The following ATP2A3 variants were observed in gnomAD, a reference collection of about 807,000 sequenced individuals.
ATP2A3 encodes ATPase sarcoplasmic/endoplasmic reticulum Ca2+ transporting 3, also known as sarcoplasmic/endoplasmic reticulum calcium ATPase 3.
In ATP2A3, 61 loss-of-function variants were observed where a neutral mutation model predicts 106.8. The observed-to-expected ratio is 0.57, with a 90% confidence interval of 0.46 to 0.71. The LOEUF is 0.71. ATP2A3 is among the 30% of genes least tolerant of loss of function. The probability of loss-of-function intolerance (pLI) is 0.00; values close to 1 mark genes in which losing one functional copy is unlikely to be tolerated. For missense variants in ATP2A3, 1,201 were observed against 1,423.5 expected (o/e 0.84, Z 2.52); for synonymous variants, 611 against 609.3 (o/e 1.00, Z -0.04).
In ATP2A3 at chr17:3,958,767, T is replaced by C. The variant is rs1305642362; in HGVS notation, c.119-5057A>G. ...AGACACACATATATATACACACACA[T>C]ATATATACACACACATATATATACA... On this transcript the variant is annotated intron_variant, in intron 1 of 20. Transcript: ENST00000397041. 4.1e-5 allele frequency among the ~76,000 whole-genome samples: 6 copies of C among 145,498 alleles called. No homozygotes were observed. The East Asian group carries it at 1.2e-3, about 29-fold the overall frequency.
chr17:3,931,050 C>G (rs1377956983), intron 17 of ATP2A3, among the ~76,000 whole-genome samples: 1 of 151,398 alleles, frequency 6.6e-6, no homozygotes, highest in Non-Finnish European at 1.5e-5. Flanking sequence ...TGAGGCAGGA[C>G]AATCACTTGA....
Position 3,953,167 on chromosome 17 carries a change from G to T in ATP2A3, c.219+180C>A. On this transcript the variant is annotated intron_variant, in intron 3 of 20. Transcript: ENST00000397041. This position sits in a 1 kb window ranked among gnomAD's most constrained non-coding sequence, Gnocchi z 5.1. ...TGGGAGCCGGGGACCCAATGTAGGGGCCATGAGGGTTCAGGCAAGGGAAGC... is the reference window on the plus strand; with the variant it reads ...TGGGAGCCGGGGACCCAATGTAGGGTCCATGAGGGTTCAGGCAAGGGAAGC... The T allele has an allele frequency of 1.4e-6, 1 of 699,846 alleles. No homozygotes were observed. Among genetic ancestry groups the T allele is most frequent in the Admixed American group, 2.2e-5 (1 of 46,194 alleles). 43.4% of individuals were successfully genotyped at this position (699,846 alleles called of 1,614,324 possible).
At chr17:3,951,115 G>A (rs2054395110) in intron 5 of ATP2A3, 136 bp downstream of exon 5, 3 of 929,908 alleles carry the variant, frequency 3.2e-6, no homozygotes, top group Admixed American at 3.6e-5. Context: ...GGAGGTTGCA[G>A]TGAGCCGAGA....
intron 1 of ATP2A3, among the ~76,000 whole-genome samples, chr17:3,958,108 T>A (rs902622970): frequency 6.6e-6 from 1 of 152,194 alleles, no homozygotes; most frequent in Non-Finnish European, 1.5e-5. Flanking sequence ...GGGCTCAAGT[T>A]CAAATCCTGC....
Position 3,947,742 on chromosome 17 carries a change from C to T in ATP2A3, c.744G>A (p.Pro248=), listed in dbSNP as rs374085308. Residue 248 remains proline, a synonymous_variant, in exon 8 of 21, where the codon CCG becomes CCA. Transcript: ENST00000397041. This position sits in a 1 kb window ranked among gnomAD's most constrained non-coding sequence, Gnocchi z 7.7. The stretch of plus-strand genomic sequence containing the variant: ...CAAACTCGTCCAGCTTGCGCTGCAG[C>T]GGCGTCCGCTCGGGCTCGACTGCCG... The part of the protein sequence containing the change: ...QMAAVEPERT[P]LQRKLDEFGR... 1.2e-5 allele frequency: 20 copies of T among 1,608,248 alleles called. No homozygotes were observed. The highest frequency in any genetic ancestry group is 5.3e-5 in the African/African-American group (4 of 75,068).
At position 3,924,426 on chromosome 17, in the gene ATP2A3, G is replaced by A. The variant is rs781708978; in HGVS notation, c.*996C>T. The A allele has an allele frequency of 3.3e-5, 7 of 212,244 alleles. No homozygotes were observed. Among genetic ancestry groups the A allele is most frequent in the South Asian group, 1.7e-4 (3 of 17,294 alleles). 13.1% of individuals were successfully genotyped at this position (212,244 alleles called of 1,614,324 possible). On this transcript the variant is annotated 3_prime_UTR_variant, in exon 21 of 21. Transcript: ENST00000397041. The surrounding 1 kb of genome is among the most constrained non-coding windows in gnomAD (Gnocchi z 6.4). ...GACATCCTTTCGGCTCATGGGTGTC[G>A]TGGGGAGGGGGCAAGGAGTGAGGCC... is the stretch of plus-strand genomic sequence containing the variant.
intron 17 of ATP2A3, among the ~76,000 whole-genome samples, chr17:3,933,835 C>T (rs1433658500): frequency 6.6e-6 from 1 of 151,682 alleles, no homozygotes; most frequent in East Asian, 1.9e-4. Context: ...GGTGAGGCCA[C>T]TGCTGTGCCC....
chr17:3,930,168 C>T lies in ATP2A3; in HGVS notation c.2744+133G>A, dbSNP rs1191279641. On this transcript the variant is annotated intron_variant, in intron 18 of 20. Coordinates refer to ENST00000397041, the MANE Select transcript of ATP2A3 (RefSeq NM_005173.4). This position sits in a 1 kb window ranked among gnomAD's most constrained non-coding sequence, Gnocchi z 5.4. ...TACTGGAACCCCCAGCCCTCAGCCC[C>T]CACTCCTCGGCCCCAGCTCCAGGCC... 1.6e-6 allele frequency: 2 copies of T among 1,253,112 alleles called. No homozygotes were observed. The highest frequency in any genetic ancestry group is 2.2e-6 in the Non-Finnish European group (2 of 912,548). The allele number at this position is 1,253,112 out of a possible 1,614,324, so 77.6% of individuals were successfully genotyped here. A position where few individuals can be genotyped will look rare whatever the true frequency, so the allele number is the denominator to read the frequency against.
rs757658917 is a variant in ATP2A3, at chr17:3,941,233, C to T, written c.1838G>A (p.Arg613His). ...CACGCGGATGCCCGCCTGGTAGCAGCGTGTGATGCAGGCAGCCACCTCAGG... is the reference window on the plus strand; with the variant it reads ...CACGCGGATGCCCGCCTGGTAGCAGTGTGTGATGCAGGCAGCCACCTCAGG... The part of the protein sequence containing the change: ...PRPEVAACIT[R>H]CYQAGIRVVM... The change falls in exon 14 of 21, where the codon CGC (arginine) becomes CAC (histidine). Residue 613 changes from arginine (R) to histidine (H), a missense_variant. Arg to His is a conservative substitution (Grantham distance 29). Coordinates refer to ENST00000397041, the MANE Select transcript of ATP2A3 (RefSeq NM_005173.4). 17 of 1,613,942 alleles carry T rather than the reference C, an allele frequency of 1.1e-5. No individual in the cohort carries two copies. The African/African-American group carries it at 2.0e-4, about 19-fold the overall frequency.
Position 3,928,209 on chromosome 17 carries a change from C to T in ATP2A3, c.2980+454G>A. 1 of 1,612,754 alleles carries T rather than the reference C, an allele frequency of 6.2e-7. No individual in the cohort carries two copies. Among genetic ancestry groups the T allele is most frequent in the Non-Finnish European group, 8.5e-7 (1 of 1,179,182 alleles). On this transcript the variant is annotated intron_variant, in intron 20 of 20. Transcript: ENST00000397041. This position sits in a 1 kb window ranked among gnomAD's most constrained non-coding sequence, Gnocchi z 6.1. ...GCTCAGAAACAACCCTCCCCTTGACCCACCCACAAGGTGATACCAAAGAGG... is the reference window on the plus strand; with the variant it reads ...GCTCAGAAACAACCCTCCCCTTGACTCACCCACAAGGTGATACCAAAGAGG...
intron 1 of ATP2A3, among the ~76,000 whole-genome samples, chr17:3,958,789 T>TATACACACATATATATATAC (rs1555566827): frequency 1.1e-5 from 1 of 94,936 alleles, no homozygotes; most frequent in Admixed American, 1.1e-4. Context: ...CACATATATA[T>TATACACACATATATATATAC]ACACATATAT....
chr17:3,958,749 C>A lies in ATP2A3; in HGVS notation c.119-5039G>T, dbSNP rs1467500811. Among the ~76,000 whole-genome samples, 3 of 134,906 alleles carry A rather than the reference C, an allele frequency of 2.2e-5. No homozygotes were observed. The East Asian group carries it at 6.0e-4, about 27-fold the overall frequency. 88.5% of individuals were successfully genotyped at this position (134,906 alleles called of 152,430 possible). ...ATATATACACATATATATAGACACA[C>A]ATATATATACACACACATATATATA... On this transcript the variant is annotated intron_variant, in intron 1 of 20. Coordinates refer to ENST00000397041, the MANE Select transcript of ATP2A3 (RefSeq NM_005173.4).
Position 3,945,105 on chromosome 17 carries a change from T to A in ATP2A3, c.1139A>T (p.His380Leu). ...CGTGGTACCCGAGATGGTGAACTCGTGCAAAAGGCAGGAGCCCGCATCGGC... is the reference window on the plus strand; with the variant it reads ...CGTGGTACCCGAGATGGTGAACTCGAGCAAAAGGCAGGAGCCCGCATCGGC... ...AEADAGSCLL[H>L]EFTISGTTYT... is the part of the protein sequence containing the mutation. Residue 380 changes from histidine (H) to leucine (L), a missense_variant, in exon 9 of 21, where the codon CAC becomes CTC. Transcript: ENST00000397041. The A allele has an allele frequency of 6.5e-7, 1 of 1,548,144 alleles. No homozygotes were observed. Among genetic ancestry groups the A allele is most frequent in the South Asian group, 1.2e-5 (1 of 83,996 alleles).
Position 3,930,571 on chromosome 17 carries a change from G to A in ATP2A3, c.2611-137C>T, listed in dbSNP as rs2053015820. On this transcript the variant is annotated intron_variant, in intron 17 of 20. Coordinates refer to ENST00000397041, the MANE Select transcript of ATP2A3 (RefSeq NM_005173.4). This position sits in a 1 kb window ranked among gnomAD's most constrained non-coding sequence, Gnocchi z 5.4. ...ACAAAACACTGCCGTGGGGTGGGCT[G>A]GGGATCCCGGGAGGGGTGCGGGGTC... The A allele has an allele frequency of 7.5e-7, 1 of 1,341,356 alleles. No individual in the cohort carries two copies. Among genetic ancestry groups the A allele is most frequent in the African/African-American group, 1.4e-5 (1 of 68,996 alleles). The allele number at this position is 1,341,356 out of a possible 1,614,324, so 83.1% of individuals were successfully genotyped here. A position where few individuals can be genotyped will look rare whatever the true frequency, so the allele number is the denominator to read the frequency against.
chr17:3,963,957 C>A (rs142419176), intron 1 of ATP2A3, among the ~76,000 whole-genome samples: 78 of 152,208 alleles, frequency 5.1e-4, no homozygotes, highest in Non-Finnish European at 9.3e-4. Flanking sequence ...GGCGTCCGGT[C>A]TCCCCAGCTG....
chr17:3,927,635 G>A, intron 20 of ATP2A3: 2 of 985,398 alleles, frequency 2.0e-6, no homozygotes, highest in Non-Finnish European at 2.4e-6. Flanking sequence ...ACCAGACAGG[G>A]GGCAGAATGG....
intron 5 of ATP2A3, 116 bp from the exon 6 acceptor site, chr17:3,950,889 T>A: frequency 4.8e-6 from 5 of 1,040,146 alleles, no homozygotes; most frequent in Non-Finnish European, 7.2e-6. Context: ...TGAGCTGTGA[T>A]CGCTCTGGTG....
Position 3,929,517 on chromosome 17 carries a change from A to G in ATP2A3, c.2745-72T>C. 4 of 1,308,468 alleles carry G rather than the reference A, an allele frequency of 3.1e-6. No individual in the cohort carries two copies. Among genetic ancestry groups the G allele is most frequent in the Non-Finnish European group, 4.3e-6 (4 of 932,946 alleles). 81.1% of individuals were successfully genotyped at this position (1,308,468 alleles called of 1,614,324 possible). A position where few individuals can be genotyped will look rare whatever the true frequency, so the allele number is the denominator to read the frequency against. ...CCTGCCAGGCACCCACCCCCATGGG[A>G]GGAGCCTCACCACTTCTCTAGCGGT... On this transcript the variant is annotated intron_variant, in intron 18 of 20. Transcript: ENST00000397041. This position sits in a 1 kb window ranked among gnomAD's most constrained non-coding sequence, Gnocchi z 4.3.
rs993484558 is a variant in ATP2A3, at chr17:3,924,596, T to C, written c.*826A>G. 1 of 353,914 alleles carries C rather than the reference T, an allele frequency of 2.8e-6. No homozygotes were observed. The highest frequency in any genetic ancestry group is 2.1e-5 in the African/African-American group (1 of 46,570). The allele number at this position is 353,914 out of a possible 1,614,324, so 21.9% of individuals were successfully genotyped here. ...AGGTACCAGGGACGCGGGTGGCAAG[T>C]TGGACCTCTGCGTGGCAGACCGGGC... is the stretch of plus-strand genomic sequence containing the variant. On this transcript the variant is annotated 3_prime_UTR_variant, in exon 21 of 21. Transcript: ENST00000397041. The surrounding 1 kb of genome is among the most constrained non-coding windows in gnomAD (Gnocchi z 6.4).
Sources: gnomAD v4.1 joint callset for allele counts (sites outside exome capture counted in the v4.1 genomes callset) on GRCh38, gnomAD v4.1.1 for gene constraint, Gnocchi (gnomAD v3.1) non-coding constraint, MANE v1.5 for transcripts, NCBI Gene and HGNC (gene_info 2026-07-23, HGNC 2026-07-21) for gene names.